GRIK2: variants seen among roughly 807,000 people sequenced by gnomAD.
The protein encoded by GRIK2 is glutamate ionotropic receptor kainate type subunit 2, also known as glutamate receptor ionotropic, kainate 2.
A neutral mutation model predicts 100.3 loss-of-function variants in GRIK2; 32 were observed. The ratio of observed to expected loss-of-function variants is 0.32; its 90% CI spans 0.24 to 0.43. The LOEUF (loss-of-function observed/expected upper bound fraction) is 0.43, where lower values mean the gene tolerates loss of function less well. Ranked by LOEUF, GRIK2 falls within the 20% of genes least tolerant of loss-of-function variation. The probability of loss-of-function intolerance (pLI) is 1.00; values close to 1 mark genes in which losing one functional copy is unlikely to be tolerated. For missense variants in GRIK2, 843 were observed against 1,114.9 expected (o/e 0.76, Z 3.47); for synonymous variants, 417 against 389.4 (o/e 1.07, Z -0.83).
chr6:102,019,798 T>A (rs1464563303), intron 14 of GRIK2, among the ~76,000 whole-genome samples: 1 of 151,986 alleles, frequency 6.6e-6, no homozygotes, highest in Non-Finnish European at 1.5e-5. Flanking sequence ...AAAATCATCT[T>A]TATATATCCC....
At chr6:101,753,125 AC>A (rs1776893289) in intron 7 of GRIK2, among the ~76,000 whole-genome samples, 1 of 152,012 alleles carries the variant, frequency 6.6e-6, no homozygotes, top group African/African-American at 2.4e-5. Context: ...TACTAAAAAT[AC>A]AAAAAATTAG....
chr6:101,729,119 C>T (rs763056524), intron 7 of GRIK2, among the ~76,000 whole-genome samples: 8 of 152,098 alleles, frequency 5.3e-5, no homozygotes, highest in Non-Finnish European at 1.2e-4. Flanking sequence ...CACTGTAATT[C>T]TGGCAGCTAG....
chr6:101,621,964 AT>A lies in GRIK2; in HGVS notation c.132del (p.Tyr44Ter). 1 of 1,606,842 alleles carries A rather than the reference AT, an allele frequency of 6.2e-7. No homozygotes were observed. Among genetic ancestry groups the A allele is most frequent in the Non-Finnish European group, 8.5e-7 (1 of 1,174,140 alleles). On this transcript the variant is annotated frameshift_variant, in exon 3 of 17. Coordinates refer to ENST00000369134, the MANE Select transcript of GRIK2 (RefSeq NM_021956.5). LOFTEE classifies it high-confidence loss of function. ...TTTTTGCCAGGTGGTATTTTTGAAT[AT>A]GTGGAATCTGGCCCAATGGGAGCTG... The part of the protein sequence containing the change: ...HVLRFGGIFE[Y>X]VESGPMGAEE...
At chr6:101,567,215 T>A (rs1777320094) in intron 2 of GRIK2, among the ~76,000 whole-genome samples, 1 of 152,030 alleles carries the variant, frequency 6.6e-6, no homozygotes, top group African/African-American at 2.4e-5. Flanking sequence ...ATATTTATTT[T>A]GCGATTTTCT....
At chr6:101,482,700 T>A (rs1005055379) in intron 2 of GRIK2, among the ~76,000 whole-genome samples, 1 of 151,826 alleles carries the variant, frequency 6.6e-6, no homozygotes, top group African/African-American at 2.4e-5. Flanking sequence ...TAGACTAATA[T>A]AGATAAGAAA....
intron 10 of GRIK2, among the ~76,000 whole-genome samples, chr6:101,820,559 C>G (rs1250959366): frequency 6.6e-6 from 1 of 152,142 alleles, no homozygotes; most frequent in Non-Finnish European, 1.5e-5. Flanking sequence ...GATTCTCCTG[C>G]CTCAGCTTCC....
At chr6:101,673,118 C>T (rs2128338663) in intron 4 of GRIK2, among the ~76,000 whole-genome samples, 1 of 152,204 alleles carries the variant, frequency 6.6e-6, no homozygotes, top group Admixed American at 6.5e-5. Flanking sequence ...ATATCTCTGA[C>T]AAAGGTCTCA....
At chr6:101,914,518 G>A (rs1582524670) in intron 12 of GRIK2, among the ~76,000 whole-genome samples, 1 of 151,440 alleles carries the variant, frequency 6.6e-6, no homozygotes, top group Non-Finnish European at 1.5e-5. Flanking sequence ...TAGTATGGAT[G>A]ATAATGACTA....
chr6:102,055,682 A>G (rs1771429508), intron 16 of GRIK2, 102 bp downstream of exon 16: 1 of 743,552 alleles, frequency 1.3e-6, no homozygotes. Context: ...GATAATGCAT[A>G]GAACTATTGC....
At chr6:101,400,994 G>A (rs1229415409) in intron 2 of GRIK2, among the ~76,000 whole-genome samples, 1 of 152,194 alleles carries the variant, frequency 6.6e-6, no homozygotes, top group African/African-American at 2.4e-5. Flanking sequence ...GTACGCACAC[G>A]CGTGTGTGTG....
At chr6:101,749,762 A>G (rs1380586706) in intron 7 of GRIK2, among the ~76,000 whole-genome samples, 8 of 151,308 alleles carry the variant, frequency 5.3e-5, no homozygotes, top group Non-Finnish European at 8.8e-5. Flanking sequence ...GTAGCAACAC[A>G]AGCTAACTAT....
intron 14 of GRIK2, among the ~76,000 whole-genome samples, chr6:101,988,132 T>TGTGTGTGTGTGC (rs1231517176): frequency 3.7e-4 from 11 of 29,556 alleles, no homozygotes; most frequent in African/African-American, 1.0e-3. Flanking sequence ...TGTGTGTGTG[T>TGTGTGTGTGTGC]GCGCGCGCGC....
intron 7 of GRIK2, among the ~76,000 whole-genome samples, chr6:101,760,305 G>A (rs1418622949): frequency 7.9e-6 from 1 of 126,398 alleles, no homozygotes; most frequent in Non-Finnish European, 1.6e-5. Context: ...GTGAGATTAT[G>A]GAATTAAATA....
At chr6:101,571,326 A>G (rs993851781) in intron 2 of GRIK2, among the ~76,000 whole-genome samples, 6 of 152,108 alleles carry the variant, frequency 3.9e-5, no homozygotes, top group Non-Finnish European at 8.8e-5. Context: ...TACTATAATA[A>G]TAATAAAAAT....
chr6:101,915,298 C>A (rs1789027638), intron 12 of GRIK2, among the ~76,000 whole-genome samples: 1 of 150,956 alleles, frequency 6.6e-6, no homozygotes. Flanking sequence ...AAAGAAATTG[C>A]CATGCAGGTT....
chr6:101,987,332 T>C (rs2128491053), intron 14 of GRIK2, among the ~76,000 whole-genome samples: 1 of 151,962 alleles, frequency 6.6e-6, no homozygotes, highest in East Asian at 1.9e-4. Flanking sequence ...TAAATTCTAA[T>C]AGTATGCAAA....
intron 7 of GRIK2, among the ~76,000 whole-genome samples, chr6:101,798,388 G>GCAT (rs1780459059): frequency 6.6e-6 from 1 of 151,960 alleles, no homozygotes; most frequent in Non-Finnish European, 1.5e-5. Flanking sequence ...TTTTCACTAT[G>GCAT]CATCCTTCAG....
At chr6:101,883,187 T>G (rs541664446) in intron 11 of GRIK2, among the ~76,000 whole-genome samples, 14 of 151,374 alleles carry the variant, frequency 9.2e-5, no homozygotes, top group African/African-American at 3.4e-4. Flanking sequence ...TTTACTACTA[T>G]GCGGTCTTTA....
At chr6:101,603,251 A>C (rs1241385851) in intron 2 of GRIK2, among the ~76,000 whole-genome samples, 2 of 151,714 alleles carry the variant, frequency 1.3e-5, no homozygotes, top group Non-Finnish European at 3.0e-5. Flanking sequence ...TTATGTTGAC[A>C]TCAAGCCAAA....
Sources: allele counts gnomAD v4.1 joint callset (sites outside exome capture counted in the v4.1 genomes callset), GRCh38; gene constraint gnomAD v4.1.1; transcripts MANE v1.5; gene names NCBI Gene and HGNC (gene_info 2026-07-23, HGNC 2026-07-21).